DIAPH3: variants seen among roughly 807,000 people sequenced by gnomAD.
DIAPH3 encodes diaphanous related formin 3, also known as protein diaphanous homolog 3.
DIAPH3 carries 117 observed loss-of-function variants against 144.3 expected under a neutral mutation model. The observed-to-expected ratio is 0.81, with a 90% confidence interval of 0.70 to 0.95. The LOEUF (loss-of-function observed/expected upper bound fraction) is 0.95, where lower values mean the gene tolerates loss of function less well. Ranked by LOEUF, DIAPH3 falls within the 40% of genes least tolerant of loss-of-function variation. The pLI is 0.00. For synonymous variants in DIAPH3, 519 were observed against 488.9 expected (o/e 1.06, Z -0.81); for missense variants, 1,421 against 1,412.7 (o/e 1.01, Z -0.09).
chr13:60,138,141 C>G (rs1428242701), intron 1 of DIAPH3, among the ~76,000 whole-genome samples: 3 of 152,172 alleles, frequency 2.0e-5, no homozygotes. Context: ...CTGGTTTTTC[C>G]AGGTTTTTGT....
intron 4 of DIAPH3, among the ~76,000 whole-genome samples, chr13:60,083,048 G>A (rs1180030387): frequency 6.6e-6 from 1 of 151,850 alleles, no homozygotes; most frequent in Admixed American, 6.6e-5. Flanking sequence ...TTGAAATATC[G>A]TTCCCCACCC....
chr13:60,107,276 G>T (rs368711790), intron 3 of DIAPH3, among the ~76,000 whole-genome samples: 1 of 152,096 alleles, frequency 6.6e-6, no homozygotes, highest in African/African-American at 2.4e-5. Flanking sequence ...AAAAAAAAAG[G>T]AAAGTTTCTT....
intron 7 of DIAPH3, among the ~76,000 whole-genome samples, chr13:60,012,318 A>T (rs1457938928): frequency 6.6e-6 from 1 of 152,216 alleles, no homozygotes; most frequent in East Asian, 1.9e-4. Flanking sequence ...CAAGAATATG[A>T]ATTTTGGAGA....
intron 9 of DIAPH3, among the ~76,000 whole-genome samples, chr13:60,000,445 A>C (rs745779661): frequency 6.6e-6 from 1 of 152,098 alleles, no homozygotes; most frequent in Non-Finnish European, 1.5e-5. Context: ...TAAAGCAAAC[A>C]ATGGCTATGT....
intron 15 of DIAPH3, among the ~76,000 whole-genome samples, chr13:59,972,056 G>T (rs962233866): frequency 2.0e-5 from 3 of 152,184 alleles, no homozygotes; most frequent in African/African-American, 7.2e-5. Flanking sequence ...TGAGGTAAGT[G>T]ACTATCTTGT....
intron 1 of DIAPH3, among the ~76,000 whole-genome samples, chr13:60,140,586 G>A (rs562717663): frequency 6.6e-6 from 1 of 151,902 alleles, no homozygotes; most frequent in East Asian, 1.9e-4. Context: ...ACATATATAT[G>A]GAAAAAATAA....
chr13:59,845,292 TTGGACTC>T (rs1395639653), intron 22 of DIAPH3, among the ~76,000 whole-genome samples: 1 of 152,076 alleles, frequency 6.6e-6, no homozygotes, highest in Non-Finnish European at 1.5e-5. Flanking sequence ...TCTGCCTGCC[TTGGACTC>T]CCAAAGTGTT....
intron 20 of DIAPH3, among the ~76,000 whole-genome samples, chr13:59,904,810 C>A (rs997620018): frequency 2.6e-5 from 4 of 151,830 alleles, no homozygotes; most frequent in Non-Finnish European, 5.9e-5. Context: ...ACAAGAGTAG[C>A]GCTATAGAAC....
At chr13:59,947,442 C>A (rs1347334499) in intron 17 of DIAPH3, among the ~76,000 whole-genome samples, 1 of 152,102 alleles carries the variant, frequency 6.6e-6, no homozygotes, top group Non-Finnish European at 1.5e-5. Flanking sequence ...TGTTACTGTA[C>A]TATTTCATGA....
intron 17 of DIAPH3, among the ~76,000 whole-genome samples, chr13:59,945,512 C>T (rs1449545647): frequency 4.6e-5 from 7 of 152,090 alleles, no homozygotes; most frequent in African/African-American, 7.2e-5. Context: ...GTAACCAAAA[C>T]GAGAGCCCTG....
chr13:59,851,635 C>CTTTTT (rs200870976), intron 22 of DIAPH3, among the ~76,000 whole-genome samples: 6 of 112,386 alleles, frequency 5.3e-5, no homozygotes, highest in African/African-American at 1.3e-4. Flanking sequence ...ATAGATGAAT[C>CTTTTT]TTTTTTTTTT....
intron 9 of DIAPH3, among the ~76,000 whole-genome samples, chr13:60,008,264 C>T (rs1443976194): frequency 6.6e-6 from 1 of 152,048 alleles, no homozygotes; most frequent in African/African-American, 2.4e-5. Flanking sequence ...GGCATGGTGG[C>T]AGGCGCCTGT....
intron 27 of DIAPH3, among the ~76,000 whole-genome samples, chr13:59,769,143 G>C (rs2037996345): frequency 1.3e-5 from 2 of 152,092 alleles, no homozygotes; most frequent in African/African-American, 4.8e-5. Flanking sequence ...CATATCTGTG[G>C]AGCCTTTATC....
intron 27 of DIAPH3, among the ~76,000 whole-genome samples, chr13:59,707,184 A>T (rs924736512): frequency 6.6e-6 from 1 of 152,214 alleles, no homozygotes; most frequent in African/African-American, 2.4e-5. Context: ...TTTAAGTTTT[A>T]ATGCATTTTT....
intron 4 of DIAPH3, among the ~76,000 whole-genome samples, chr13:60,088,663 C>A (rs1321088817): frequency 6.6e-6 from 1 of 152,174 alleles, no homozygotes; most frequent in East Asian, 1.9e-4. Context: ...ACTCTGTCAC[C>A]CAGACTGTAC....
Position 59,987,676 on chromosome 13 carries a change from G to C in DIAPH3, c.1361+3482C>G, listed in dbSNP as rs570222899. The stretch of plus-strand genomic sequence containing the variant: ...AAGACTGGTTTTAAAATATCCTAGT[G>C]CTTTTAGATATTGTACCTTTTTGGT... On this transcript the variant is annotated intron_variant, in intron 12 of 27. Transcript: ENST00000400324. 1.8e-4 allele frequency among the ~76,000 whole-genome samples: 28 copies of C among 151,430 alleles called. No individual in the cohort carries two copies. The South Asian group carries it at 2.1e-3, about 11-fold the overall frequency.
intron 13 of DIAPH3, 144 bp from the exon 14 acceptor site, chr13:59,981,003 T>C (rs2050970819): frequency 6.0e-6 from 4 of 666,926 alleles, no homozygotes; most frequent in Admixed American, 2.9e-5. Context: ...AATATTATAA[T>C]GTTGGAATGA....
intron 3 of DIAPH3, among the ~76,000 whole-genome samples, chr13:60,104,566 G>GCGCACA (rs1555375780): frequency 8.8e-5 from 13 of 147,124 alleles, no homozygotes; most frequent in South Asian, 2.2e-4. Context: ...CAGTATCAAG[G>GCGCACA]CACACACACA....
At chr13:60,053,155 A>G (rs1289580137) in intron 4 of DIAPH3, among the ~76,000 whole-genome samples, 1 of 151,916 alleles carries the variant, frequency 6.6e-6, no homozygotes, top group Non-Finnish European at 1.5e-5. Context: ...TACAAGAATA[A>G]TCAGAAATAC....
Sources: allele counts gnomAD v4.1 joint callset (sites outside exome capture counted in the v4.1 genomes callset), GRCh38; gene constraint gnomAD v4.1.1; transcripts MANE v1.5; gene names NCBI Gene and HGNC (gene_info 2026-07-23, HGNC 2026-07-21).